ARL15: variants seen among roughly 807,000 people sequenced by gnomAD.
ARL15 encodes the protein ADP-ribosylation factor-like protein 15.
Under a neutral mutation model 25.2 loss-of-function variants are expected in ARL15, and 19 were observed. The ratio of observed to expected loss-of-function variants is 0.75; its 90% confidence interval spans 0.53 to 1.10. The LOEUF (loss-of-function observed/expected upper bound fraction) is 1.10. Ranked by LOEUF, ARL15 falls within the 50% of genes least tolerant of loss-of-function variation. ARL15 has a pLI of 0.00. For synonymous variants in ARL15, 94 were observed against 86.8 expected (o/e 1.08, Z -0.46); for missense variants, 220 against 246.0 (o/e 0.89, Z 0.71).
rs557388860 is a variant in ARL15 at position 53,923,107 on chromosome 5, A to G, written c.463-36394T>C. ...AAGAAGTCTTCTCAAGTGACAGGGA[A>G]CTTCAAACTCAGGGCAAGCAAGTTT... On this transcript the variant is annotated intron_variant, in intron 4 of 4. Coordinates refer to ENST00000504924, the MANE Select transcript of ARL15 (RefSeq NM_019087.3). Among the ~76,000 whole-genome samples the G allele has an allele frequency of 6.6e-5, 10 of 152,290 alleles. No individual in the cohort carries two copies. In the South Asian group the frequency reaches 1.9e-3, roughly 28 times the overall value.
intron 3 of ARL15, among the ~76,000 whole-genome samples, chr5:54,144,083 T>C (rs1753841257): frequency 6.6e-6 from 1 of 152,110 alleles, no homozygotes; most frequent in Non-Finnish European, 1.5e-5. Flanking sequence ...CATGTGTGTG[T>C]GTATGTGTGA....
intron 4 of ARL15, among the ~76,000 whole-genome samples, chr5:53,914,888 G>A (rs1196937878): frequency 6.6e-6 from 1 of 151,862 alleles, no homozygotes; most frequent in Non-Finnish European, 1.5e-5. Context: ...TCAGCTCACT[G>A]CAACCTCCAC....
intron 1 of ARL15, among the ~76,000 whole-genome samples, chr5:54,276,749 T>C (rs1306343262): frequency 4.6e-5 from 7 of 152,166 alleles, no homozygotes; most frequent in African/African-American, 1.7e-4. Context: ...AGCGTCCTTA[T>C]AAAGAGGGAG....
intron 4 of ARL15, among the ~76,000 whole-genome samples, chr5:54,023,654 C>A (rs1438754778): frequency 6.6e-6 from 1 of 152,136 alleles, no homozygotes; most frequent in Non-Finnish European, 1.5e-5. Context: ...GCCTCTCTGA[C>A]CTTCCTCCTC....
chr5:54,075,663 T>C, intron 4 of ARL15: 1 of 152,004 alleles, frequency 6.6e-6, no homozygotes, highest in East Asian at 1.9e-4. Context: ...ATTTTTGTAT[T>C]TTTAGTAGAG....
chr5:54,075,818 T>G (rs1751580249), intron 4 of ARL15, among the ~76,000 whole-genome samples: 1 of 152,140 alleles, frequency 6.6e-6, no homozygotes, highest in Non-Finnish European at 1.5e-5. Flanking sequence ...AAAATTGTAG[T>G]AATTTAATCT....
At chr5:53,913,382 G>T (rs1290726652) in intron 4 of ARL15, among the ~76,000 whole-genome samples, 1 of 152,136 alleles carries the variant, frequency 6.6e-6, no homozygotes, top group East Asian at 1.9e-4. Context: ...GTCACTCCTT[G>T]AACTCACCTT....
In ARL15 at chr5:53,956,298, C is replaced by T. The variant is rs562498924; in HGVS notation, c.463-69585G>A. 4.0e-5 allele frequency among the ~76,000 whole-genome samples: 6 copies of T among 151,812 alleles called. No homozygotes were observed. In the South Asian group the frequency reaches 1.0e-3, roughly 26 times the overall value. On this transcript the variant is annotated intron_variant, in intron 4 of 4. Coordinates refer to ENST00000504924, the MANE Select transcript of ARL15 (RefSeq NM_019087.3). ...TCACTAAACTAACAGCTGCAGCTTA[C>T]AGCAAACAACAACAACAAAACCCTG... is the stretch of plus-strand genomic sequence containing the variant.
Position 54,176,361 on chromosome 5 carries a change from G to T in ARL15, c.49-4433C>A, listed in dbSNP as rs3843451. On this transcript the variant is annotated intron_variant, in intron 1 of 4. Transcript: ENST00000504924. ...TTCAACAGTATGCTACTTCCAATGG[G>T]GAAGGAATGGTCATGTTTTCTGAGT... is the stretch of plus-strand genomic sequence containing the variant. Among the ~76,000 whole-genome samples, 4 of 152,008 alleles carry T rather than the reference G, an allele frequency of 2.6e-5. No individual in the cohort carries two copies. In the South Asian group the frequency reaches 8.3e-4, roughly 32 times the overall value.
chr5:54,247,112 T>A (rs907437949), intron 1 of ARL15, among the ~76,000 whole-genome samples: 5 of 152,122 alleles, frequency 3.3e-5, no homozygotes, highest in African/African-American at 1.2e-4. Context: ...GTATCTTGGA[T>A]ATTATTGAAT....
chr5:54,021,265 G>A (rs1749592257), intron 4 of ARL15, among the ~76,000 whole-genome samples: 1 of 152,162 alleles, frequency 6.6e-6, no homozygotes, highest in African/African-American at 2.4e-5. Context: ...AACCCGGGAG[G>A]CGGAGATTGC....
chr5:53,966,550 G>A (rs1485245447), intron 4 of ARL15, among the ~76,000 whole-genome samples: 2 of 152,162 alleles, frequency 1.3e-5, no homozygotes, highest in Non-Finnish European at 2.9e-5. Flanking sequence ...GTGCTGTTGG[G>A]ACAATCATGG....
chr5:54,088,526 C>T (rs1752043508), intron 4 of ARL15, among the ~76,000 whole-genome samples: 1 of 152,170 alleles, frequency 6.6e-6, no homozygotes, highest in Non-Finnish European at 1.5e-5. Context: ...ATTTACTCAG[C>T]TTGGTCAGAG....
At chr5:54,265,568 G>A (rs1044271131) in intron 1 of ARL15, among the ~76,000 whole-genome samples, 1 of 152,094 alleles carries the variant, frequency 6.6e-6, no homozygotes, top group East Asian at 1.9e-4. Flanking sequence ...AAATTGAAGA[G>A]GGACTCCGAA....
At position 53,970,501 on chromosome 5, in the gene ARL15, G is replaced by GGA. The variant is rs965545094; in HGVS notation, c.463-83790_463-83789dup. Among the ~76,000 whole-genome samples, 18 of 151,020 alleles carry GGA rather than the reference G, an allele frequency of 1.2e-4. No individual in the cohort carries two copies. The East Asian group carries it at 3.4e-3, about 28-fold the overall frequency. On this transcript the variant is annotated intron_variant, in intron 4 of 4. Transcript: ENST00000504924. ...ATGAGTGAGAAAGAGAGAGAGAGAGGGAGAGAGAGAGAGCGAGAGAGAACT... is the reference window on the plus strand; with the variant it reads ...ATGAGTGAGAAAGAGAGAGAGAGAGGGAGAGAGAGAGAGAGCGAGAGAGAACT...
intron 4 of ARL15, among the ~76,000 whole-genome samples, chr5:54,008,554 C>T (rs1749123511): frequency 6.6e-6 from 1 of 152,174 alleles, no homozygotes; most frequent in South Asian, 2.1e-4. Context: ...TGATCACTAA[C>T]CAGGGTTTTC....
chr5:54,114,220 A>G (rs1350453209), intron 3 of ARL15, among the ~76,000 whole-genome samples: 1 of 151,998 alleles, frequency 6.6e-6, no homozygotes, highest in African/African-American at 2.4e-5. Context: ...CAACATGGTG[A>G]AACCCCATCT....
rs190415288 is a variant in ARL15, at chr5:54,197,027, C to T, written c.49-25099G>A. ...ATTGATTCTTCAATAGTAAAAACAC[C>T]TGGGATATTTTTGGGAAACAGATAA... On this transcript the variant is annotated intron_variant, in intron 1 of 4. Transcript: ENST00000504924. 3.9e-5 allele frequency among the ~76,000 whole-genome samples: 6 copies of T among 152,114 alleles called. No homozygotes were observed. The East Asian group carries it at 1.2e-3, about 29-fold the overall frequency.
intron 4 of ARL15, among the ~76,000 whole-genome samples, chr5:53,896,920 GGATTAGGA>G (rs1744891609): frequency 6.6e-6 from 1 of 152,102 alleles, no homozygotes; most frequent in African/African-American, 2.4e-5. Context: ...GTTTGCTCCT[GGATTAGGA>G]GGTAGTTATC....
Sources: gnomAD v4.1 joint callset for allele counts (sites outside exome capture counted in the v4.1 genomes callset) on GRCh38, gnomAD v4.1.1 for gene constraint, MANE v1.5 for transcripts, NCBI Gene and HGNC (gene_info 2026-07-23, HGNC 2026-07-21) for gene names.